Variants in HSPA4L observed in about 807,000 individuals in gnomAD.
The protein encoded by HSPA4L is heat shock protein family A (Hsp70) member 4 like, also known as heat shock 70 kDa protein 4L.
A neutral mutation model predicts 100.3 loss-of-function variants in HSPA4L; 48 were observed. The observed-to-expected ratio is 0.48, with a 90% CI of 0.38 to 0.61. The LOEUF is 0.61. Ranked by LOEUF, HSPA4L falls within the 20% of genes least tolerant of loss-of-function variation. The probability of loss-of-function intolerance (pLI) is 0.00; values close to 1 mark genes in which losing one functional copy is unlikely to be tolerated. For missense variants in HSPA4L, 886 were observed against 988.6 expected (o/e 0.90, Z 1.39); for synonymous variants, 319 against 328.2 (o/e 0.97, Z 0.30).
rs537917065 is a variant in HSPA4L, at chr4:127,788,171, A to G, written c.107+5514A>G. ...TCAGCTTTTAAAATATTGTCTACCT[A>G]TGTAAATATTTGTGTGGTTTCTACT... is the stretch of plus-strand genomic sequence containing the variant. On this transcript the variant is annotated intron_variant, in intron 1 of 18. Coordinates refer to ENST00000296464, the MANE Select transcript of HSPA4L (RefSeq NM_014278.4). Among the ~76,000 whole-genome samples, 284 of 152,238 alleles carry G rather than the reference A, an allele frequency of 1.9e-3. 2 individuals carry two copies. The highest frequency in any genetic ancestry group is 6.4e-3 in the African/African-American group (264 of 41,570).
At position 127,839,114 on chromosome 4, in the gene HSPA4L, G is replaced by T. The variant is rs1290780292; in HGVS notation, c.*6240G>T. ...AATATCAATTTGACAGAATAACAAG[G>T]GTCAGAAATTCAAAATAGCTGTTAG... is the stretch of plus-strand genomic sequence containing the variant. On this transcript the variant is annotated 3_prime_UTR_variant, in exon 19 of 19. Coordinates refer to ENST00000296464, the MANE Select transcript of HSPA4L (RefSeq NM_014278.4). The T allele has an allele frequency of 1.3e-5, 2 of 152,032 alleles. No individual in the cohort carries two copies. The highest frequency in any genetic ancestry group is 4.8e-5 in the African/African-American group (2 of 41,390). 9.4% of individuals were successfully genotyped at this position (152,032 alleles called of 1,614,324 possible). A position where few individuals can be genotyped will look rare whatever the true frequency, so the allele number is the denominator to read the frequency against.
At chr4:127,790,452 T>C (rs936147173) in intron 1 of HSPA4L, among the ~76,000 whole-genome samples, 1 of 152,218 alleles carries the variant, frequency 6.6e-6, no homozygotes, top group Admixed American at 6.5e-5. Flanking sequence ...GCAGAGAATA[T>C]GTTGAATCAA....
intron 1 of HSPA4L, among the ~76,000 whole-genome samples, chr4:127,789,385 G>A (rs994831907): frequency 6.6e-5 from 10 of 152,092 alleles, no homozygotes; most frequent in African/African-American, 9.7e-5. Flanking sequence ...GGTGGCTCAC[G>A]CCTGTAATCC....
chr4:127,805,645 T>G (rs1277580621), intron 9 of HSPA4L, 42 bp from the exon 10 acceptor site: 1 of 1,424,176 alleles, frequency 7.0e-7, no homozygotes, highest in Non-Finnish European at 9.9e-7. Context: ...AGGGTATGTT[T>G]TGTATTTGTT....
intron 17 of HSPA4L, among the ~76,000 whole-genome samples, chr4:127,828,493 TTAA>T (rs1420954679): frequency 1.1e-4 from 16 of 152,104 alleles, no homozygotes; most frequent in African/African-American, 3.6e-4. Context: ...ACCCAAGTAG[TTAA>T]TGATGGAATC....
Position 127,832,983 on chromosome 4 carries a change from C to G in HSPA4L, c.*109C>G. On this transcript the variant is annotated 3_prime_UTR_variant, in exon 19 of 19. Coordinates refer to ENST00000296464, the MANE Select transcript of HSPA4L (RefSeq NM_014278.4). ...CTCAGTTGTTCTTAACCACTTTTGT[C>G]ATTTGTTTTTTGGAGTAGTTTTGAA... 1 of 787,390 alleles carries G rather than the reference C, an allele frequency of 1.3e-6. No individual in the cohort carries two copies. Among genetic ancestry groups the G allele is most frequent in the Non-Finnish European group, 1.9e-6 (1 of 525,680 alleles). The allele number at this position is 787,390 out of a possible 1,614,324, so 48.8% of individuals were successfully genotyped here.
chr4:127,805,097 G>A lies in HSPA4L; in HGVS notation c.1010G>A (p.Ser337Asn), dbSNP rs752222945. 1.9e-6 allele frequency: 3 copies of A among 1,610,772 alleles called. No individual in the cohort carries two copies. Among genetic ancestry groups the A allele is most frequent in the East Asian group, 4.5e-5 (2 of 44,756 alleles). ...QANLQREDIS[S>N]IEIVGGATRI... ...GACTTACAACGTGAAGACATTAGTA[G>A]TATAGAAATTGTAGGAGGAGCAACA... The change falls in exon 9 of 19, where the codon AGT becomes AAT. Residue 337 changes from serine to asparagine, a missense_variant. By Grantham distance (46) the Ser-to-Asn change is conservative. Coordinates refer to ENST00000296464, the MANE Select transcript of HSPA4L (RefSeq NM_014278.4).
Position 127,782,566 on chromosome 4 carries a change from A to C in HSPA4L, c.16A>C (p.Ile6Leu), listed in dbSNP as rs896050243. ...ACGCGGCGGGATGTCTGTGGTTGGC[A>C]TTGACCTCGGCTTTCTCAACTGCTA... The part of the protein sequence containing the change: MSVVG[I>L]DLGFLNCYIA... The change falls in exon 1 of 19, where the codon ATT becomes CTT. Residue 6 changes from isoleucine to leucine, a missense_variant. Coordinates refer to ENST00000296464, the MANE Select transcript of HSPA4L (RefSeq NM_014278.4). 3 of 1,614,044 alleles carry C rather than the reference A, an allele frequency of 1.9e-6. No homozygotes were observed. Among genetic ancestry groups the C allele is most frequent in the Non-Finnish European group, 2.5e-6 (3 of 1,179,978 alleles).
Position 127,801,196 on chromosome 4 carries a change from C to T in HSPA4L, c.488C>T (p.Ala163Val), listed in dbSNP as rs769231787. Residue 163 changes from alanine to valine, a missense_variant, in exon 5 of 19, where the codon GCA (alanine) becomes GTA (valine). Transcript: ENST00000296464. ...RRSVMAAAQVAGLNCLRLMNE... is the reference protein window; with the variant it reads ...RRSVMAAAQVVGLNCLRLMNE... ...TCTGTGATGGCTGCAGCCCAGGTTG[C>T]AGGCTTAAATTGTTTAAGGTTGATG... The T allele has an allele frequency of 1.2e-6, 2 of 1,612,818 alleles. No homozygotes were observed. Among genetic ancestry groups the T allele is most frequent in the Admixed American group, 3.3e-5 (2 of 59,832 alleles).
intron 17 of HSPA4L, among the ~76,000 whole-genome samples, chr4:127,827,865 A>G (rs756830119): frequency 6.6e-6 from 1 of 152,056 alleles, no homozygotes; most frequent in Admixed American, 6.6e-5. Context: ...TTAGTCATCC[A>G]TAATCTCCTG....
chr4:127,829,772 ATTTT>A (rs745376569), intron 17 of HSPA4L, among the ~76,000 whole-genome samples: 1 of 146,186 alleles, frequency 6.8e-6, no homozygotes, highest in Admixed American at 6.8e-5. Flanking sequence ...CAGGCTAGAG[ATTTT>A]TTTTTTTTTA....
intron 18 of HSPA4L, among the ~76,000 whole-genome samples, 191 bp from the exon 19 acceptor site, chr4:127,832,492 C>A (rs1578728123): frequency 6.6e-6 from 1 of 152,066 alleles, no homozygotes; most frequent in African/African-American, 2.4e-5. Flanking sequence ...TTTTTGACTG[C>A]CACAGACATA....
Position 127,788,344 on chromosome 4 carries a change from A to G in HSPA4L, c.107+5687A>G, listed in dbSNP as rs541978452. The stretch of plus-strand genomic sequence containing the variant: ...TGTTATTACTAAATCATATGTGCCC[A>G]GAAGTCTTATTTTTAAGTAGCAAGC... On this transcript the variant is annotated intron_variant, in intron 1 of 18. Coordinates refer to ENST00000296464, the MANE Select transcript of HSPA4L (RefSeq NM_014278.4). Among the ~76,000 whole-genome samples, 130 of 152,328 alleles carry G rather than the reference A, an allele frequency of 8.5e-4. 1 individual carries two copies. Among genetic ancestry groups the G allele is most frequent in the African/African-American group, 3.0e-3 (123 of 41,586 alleles).
chr4:127,805,593 GTAA>G, intron 9 of HSPA4L, 91 bp from the exon 10 acceptor site: 1 of 854,436 alleles, frequency 1.2e-6, no homozygotes, highest in Non-Finnish European at 1.8e-6. Context: ...TGTAACAGTT[GTAA>G]TAGGAGGACT....
At chr4:127,797,107 G>C (rs1207587432) in intron 3 of HSPA4L, among the ~76,000 whole-genome samples, 1 of 152,104 alleles carries the variant, frequency 6.6e-6, no homozygotes, top group African/African-American at 2.4e-5. Context: ...TAAAATAGTT[G>C]AGGAAGACAC....
chr4:127,804,269 G>T (rs1733283249), intron 8 of HSPA4L, among the ~76,000 whole-genome samples, 182 bp downstream of exon 8: 1 of 152,032 alleles, frequency 6.6e-6, no homozygotes, highest in Admixed American at 6.6e-5. Context: ...CTGGGTTTAT[G>T]AGAATTCTTC....
rs367749617 is a variant in HSPA4L at position 127,811,573 on chromosome 4, C to T, written c.1515C>T (p.Gly505=). ...TAATTGAGAAGCAAAATTTGGAAGG[C>T]GATCACAGTGATGCTCCAATGGAGA... is the stretch of plus-strand genomic sequence containing the variant. ...ASVIEKQNLE[G]DHSDAPMETE... The change falls in exon 12 of 19, where the codon GGC becomes GGT. Residue 505 remains glycine (G), a synonymous_variant. Coordinates refer to ENST00000296464, the MANE Select transcript of HSPA4L (RefSeq NM_014278.4). 7.6e-5 allele frequency: 123 copies of T among 1,613,606 alleles called. 1 individual carries two copies. The highest frequency in any genetic ancestry group is 6.0e-4 in the African/African-American group (45 of 74,920).
At chr4:127,800,189 G>T (rs945354510) in intron 4 of HSPA4L, among the ~76,000 whole-genome samples, 7 of 152,094 alleles carry the variant, frequency 4.6e-5, no homozygotes, top group Non-Finnish European at 1.0e-4. Flanking sequence ...TGGGCATGGC[G>T]GCTTATGTCT....
chr4:127,811,844 CT>C (rs1278554406), intron 12 of HSPA4L, among the ~76,000 whole-genome samples: 1 of 152,246 alleles, frequency 6.6e-6, no homozygotes, highest in African/African-American at 2.4e-5. Context: ...TTGTCACATA[CT>C]TTTTAAGAGT....
Sources: gnomAD v4.1 joint callset for allele counts (sites outside exome capture counted in the v4.1 genomes callset) on GRCh38, gnomAD v4.1.1 for gene constraint, MANE v1.5 for transcripts, NCBI Gene and HGNC (gene_info 2026-07-23, HGNC 2026-07-21) for gene names.